The following GAS2 variants were observed in gnomAD, a reference collection of about 807,000 sequenced individuals.
GAS2 encodes the protein growth arrest specific 2, also known as growth arrest-specific protein 2.
A neutral mutation model predicts 37.5 loss-of-function variants in GAS2; 20 were observed. That is an observed-to-expected ratio of 0.53 (90% CI 0.37 to 0.77). The LOEUF is 0.77. Ranked by LOEUF, GAS2 falls within the 30% of genes least tolerant of loss-of-function variation. GAS2 has a pLI of 0.00. For synonymous variants in GAS2, 144 were observed against 132.2 expected, an observed-to-expected ratio of 1.09 and a Z score of -0.61; for missense variants, 336 against 373.4, an observed-to-expected ratio of 0.90 and a Z score of 0.82.
intron 7 of GAS2, among the ~76,000 whole-genome samples, chr11:22,775,889 C>T (rs1430633016): frequency 6.6e-6 from 1 of 152,108 alleles, no homozygotes; most frequent in African/African-American, 2.4e-5. Flanking sequence ...TAGAGCTCTG[C>T]CCACAATAAG....
intron 7 of GAS2, among the ~76,000 whole-genome samples, chr11:22,787,265 T>C (rs1855861273): frequency 6.6e-6 from 1 of 152,136 alleles, no homozygotes; most frequent in Non-Finnish European, 1.5e-5. Flanking sequence ...TTGCTCAATC[T>C]CTCTGATCCT....
At chr11:22,720,579 G>T (rs1326065487) in intron 3 of GAS2, among the ~76,000 whole-genome samples, 1 of 151,898 alleles carries the variant, frequency 6.6e-6, no homozygotes, top group East Asian at 1.9e-4. Context: ...AGTAGCAAGG[G>T]GATACAGGCG....
intron 7 of GAS2, among the ~76,000 whole-genome samples, chr11:22,791,234 A>G (rs1314607812): frequency 6.6e-6 from 1 of 152,184 alleles, no homozygotes; most frequent in African/African-American, 2.4e-5. Context: ...AGATCTAGAA[A>G]AGGTGTAGAG....
intron 1 of GAS2, among the ~76,000 whole-genome samples, chr11:22,638,347 A>ATT (rs764707083): frequency 1.2e-4 from 17 of 142,200 alleles, no homozygotes; most frequent in East Asian, 2.0e-4. Context: ...TATTATTACA[A>ATT]TTTTTTTTTT....
intron 2 of GAS2, among the ~76,000 whole-genome samples, chr11:22,681,888 A>G (rs570923450): frequency 6.6e-6 from 1 of 152,154 alleles, no homozygotes; most frequent in East Asian, 1.9e-4. Flanking sequence ...TAATGAGATA[A>G]TATATCATCC....
chr11:22,663,833 T>C (rs972557402), upstream of GAS2, among the ~76,000 whole-genome samples: 4 of 152,188 alleles, frequency 2.6e-5, no homozygotes, highest in Non-Finnish European at 5.9e-5. Flanking sequence ...TAAAATTTAT[T>C]CTCTTTGCCT....
At chr11:22,766,255 T>C (rs952357477) in intron 7 of GAS2, among the ~76,000 whole-genome samples, 7 of 152,070 alleles carry the variant, frequency 4.6e-5, no homozygotes, top group South Asian at 2.1e-4. Flanking sequence ...TTTTTTTTTT[T>C]CAACCCTCAC....
chr11:22,694,966 A>G (rs986557711), intron 3 of GAS2, among the ~76,000 whole-genome samples: 3 of 152,170 alleles, frequency 2.0e-5, no homozygotes, highest in Non-Finnish European at 4.4e-5. Flanking sequence ...ATCTAAATTC[A>G]TCCTCAGCCA....
At chr11:22,670,978 A>G (rs1018913030) in intron 1 of GAS2, among the ~76,000 whole-genome samples, 5 of 152,128 alleles carry the variant, frequency 3.3e-5, no homozygotes, top group Non-Finnish European at 7.4e-5. Context: ...ATAAGCCAGA[A>G]ATCATCTTGG....
intron 7 of GAS2, among the ~76,000 whole-genome samples, chr11:22,773,513 C>T (rs1287288457): frequency 3.3e-5 from 5 of 151,546 alleles, no homozygotes; most frequent in Non-Finnish European, 7.4e-5. Context: ...CCTGCCTCAG[C>T]CTCCCGAGTA....
intron 1 of GAS2, among the ~76,000 whole-genome samples, chr11:22,644,690 AGCTAACT>A (rs1848668960): frequency 4.4e-5 from 1 of 22,524 alleles, no homozygotes; most frequent in Admixed American, 8.6e-4. Flanking sequence ...GCATGATCTC[AGCTAACT>A]GCAACCCTCC....
At chr11:22,689,244 T>C (rs1437444901) in intron 3 of GAS2, among the ~76,000 whole-genome samples, 2 of 152,034 alleles carry the variant, frequency 1.3e-5, no homozygotes, top group Non-Finnish European at 2.9e-5. Flanking sequence ...AATTTACCCA[T>C]GTAACAATCC....
chr11:22,671,725 A>G (rs1325185706), intron 1 of GAS2, among the ~76,000 whole-genome samples: 1 of 152,120 alleles, frequency 6.6e-6, no homozygotes, highest in African/African-American at 2.4e-5. Context: ...AAAAAGTTAC[A>G]AGGAGGGTAA....
intron 2 of GAS2, among the ~76,000 whole-genome samples, chr11:22,682,345 C>T (rs576734123): frequency 2.0e-5 from 3 of 151,798 alleles, no homozygotes; most frequent in Admixed American, 1.3e-4. Context: ...TTGTAACTAT[C>T]TTATAACTTA....
intron 6 of GAS2, among the ~76,000 whole-genome samples, chr11:22,754,289 G>A (rs1263487416): frequency 6.6e-6 from 1 of 151,922 alleles, no homozygotes; most frequent in Non-Finnish European, 1.5e-5. Context: ...ATTAAGATGT[G>A]CTTTACATCA....
intron 3 of GAS2, among the ~76,000 whole-genome samples, chr11:22,718,777 A>C (rs1362305287): frequency 6.6e-6 from 1 of 152,124 alleles, no homozygotes; most frequent in African/African-American, 2.4e-5. Context: ...TTTAAAGTGT[A>C]GAACTAGATT....
At chr11:22,650,623 T>G (rs1170724128) in intron 1 of GAS2, among the ~76,000 whole-genome samples, 7 of 149,306 alleles carry the variant, frequency 4.7e-5, no homozygotes, top group Non-Finnish European at 1.1e-4. Flanking sequence ...GCATATATAT[T>G]TAGGATAGTT....
At chr11:22,760,704 A>T (rs1399446366) in intron 7 of GAS2, among the ~76,000 whole-genome samples, 2 of 152,216 alleles carry the variant, frequency 1.3e-5, no homozygotes, top group African/African-American at 4.8e-5. Flanking sequence ...TAGGATAAAG[A>T]CAAAGAAAAT....
chr11:22,757,309 A>G (rs1590096160), intron 7 of GAS2, among the ~76,000 whole-genome samples: 1 of 152,130 alleles, frequency 6.6e-6, no homozygotes, highest in East Asian at 1.9e-4. Context: ...AGTCCTTACT[A>G]TATAAGGCAG....
Sources: gnomAD v4.1 joint callset for allele counts (sites outside exome capture counted in the v4.1 genomes callset) on GRCh38, gnomAD v4.1.1 for gene constraint, MANE v1.5 for transcripts, NCBI Gene and HGNC (gene_info 2026-07-23, HGNC 2026-07-21) for gene names.